Variants in KAT6A observed in about 807,000 individuals in gnomAD.
KAT6A encodes lysine acetyltransferase 6A, also known as histone acetyltransferase KAT6A.
A neutral mutation model predicts 198.4 loss-of-function variants in KAT6A; 9 were observed. The observed-to-expected ratio is 0.05, with a 90% CI of 0.03 to 0.08. The LOEUF is 0.08. Among genes scored for constraint, KAT6A ranks in the 10% least tolerant of loss-of-function variants. KAT6A has a pLI of 1.00. For synonymous variants in KAT6A, 890 were observed against 883.0 expected, an observed-to-expected ratio of 1.01 and a Z score of -0.14; for missense variants, 2,077 against 2,509.9, an observed-to-expected ratio of 0.83 and a Z score of 3.69.
At chr8:41,977,582 TTC>T in intron 6 of KAT6A, 1 of 365,680 alleles carries the variant, frequency 2.7e-6, no homozygotes, top group Non-Finnish European at 4.9e-6. Flanking sequence ...CTAGTCATAA[TTC>T]TCTCTTACTA....
At chr8:41,978,418 A>T (rs914606841) in intron 6 of KAT6A, among the ~76,000 whole-genome samples, 1 of 152,246 alleles carries the variant, frequency 6.6e-6, no homozygotes, top group Admixed American at 6.5e-5. Context: ...AGCAGCAGCT[A>T]TATTTCACTG....
rs1236809773 is a variant in KAT6A, at chr8:41,934,049, C to T, written c.4171G>A (p.Gly1391Arg). Residue 1391 changes from glycine (G) to arginine (R), a missense_variant, in exon 17 of 17, where the codon GGG becomes AGG. Around this residue, in one of 13 missense-constraint regions of KAT6A, gnomAD observed 178 missense variants for 220.8 expected, o/e 0.81. Transcript: ENST00000265713. ...DTSVVSEQMA[G>R]SEDDHEEDSH... ...TCTTCTTCGTGGTCGTCCTCAGACC[C>T]AGCCATCTGCTCTGACACCACGGAC... is the stretch of plus-strand genomic sequence containing the variant. The T allele has an allele frequency of 1.2e-6, 2 of 1,613,994 alleles. No individual in the cohort carries two copies. The highest frequency in any genetic ancestry group is 1.7e-6 in the Non-Finnish European group (2 of 1,180,006).
At chr8:41,963,831 T>C (rs1823326203) in intron 8 of KAT6A, among the ~76,000 whole-genome samples, 5 of 152,156 alleles carry the variant, frequency 3.3e-5, no homozygotes, top group African/African-American at 9.7e-5. Context: ...ATCTTCATGA[T>C]CTAGTACCCC....
At chr8:41,996,648 C>G (rs1564053203) in intron 2 of KAT6A, among the ~76,000 whole-genome samples, 1 of 152,140 alleles carries the variant, frequency 6.6e-6, no homozygotes, top group East Asian at 1.9e-4. Context: ...ATTTGGCCCC[C>G]TTTTCCTCTC....
chr8:41,999,233 T>A (rs1000234850), intron 2 of KAT6A, among the ~76,000 whole-genome samples: 1 of 152,214 alleles, frequency 6.6e-6, no homozygotes, highest in Non-Finnish European at 1.5e-5. Flanking sequence ...ATTTAAATTC[T>A]AAGTTAAGAA....
intron 8 of KAT6A, among the ~76,000 whole-genome samples, chr8:41,970,141 G>A (rs1823713547): frequency 6.6e-6 from 1 of 152,162 alleles, no homozygotes. Flanking sequence ...TGAAGGCAGA[G>A]TCTGTGTCTT....
At chr8:41,970,422 A>G (rs1376973596) in intron 8 of KAT6A, among the ~76,000 whole-genome samples, 2 of 152,182 alleles carry the variant, frequency 1.3e-5, no homozygotes, top group Non-Finnish European at 2.9e-5. Flanking sequence ...AGCAGGGCTC[A>G]GCAACCCGTT....
At chr8:41,946,309 C>T (rs1587726262) in intron 12 of KAT6A, among the ~76,000 whole-genome samples, 2 of 151,976 alleles carry the variant, frequency 1.3e-5, no homozygotes, top group East Asian at 3.9e-4. Context: ...TGCCATGTTG[C>T]CTAAGCTGGT....
At chr8:42,025,077 T>C (rs1826736911) in intron 2 of KAT6A, among the ~76,000 whole-genome samples, 1 of 152,140 alleles carries the variant, frequency 6.6e-6, no homozygotes, top group South Asian at 2.1e-4. Flanking sequence ...GTATAAGAGT[T>C]CCCTTTTCTC....
At chr8:42,044,210 C>A (rs1249485440) in intron 2 of KAT6A, among the ~76,000 whole-genome samples, 1 of 150,636 alleles carries the variant, frequency 6.6e-6, no homozygotes, top group Admixed American at 6.7e-5. Context: ...AAGCGATTAT[C>A]CTGCCTCAGC....
intron 13 of KAT6A, 64 bp downstream of exon 13, chr8:41,943,684 G>T: frequency 9.4e-7 from 1 of 1,067,662 alleles, no homozygotes. Context: ...TAATCTGACT[G>T]GCTGATCCAA....
At chr8:42,031,976 C>A (rs1446163211) in intron 2 of KAT6A, among the ~76,000 whole-genome samples, 3 of 151,318 alleles carry the variant, frequency 2.0e-5, no homozygotes, top group African/African-American at 4.9e-5. Context: ...ATCGCCCAGG[C>A]TAGAATGCAG....
At chr8:41,958,400 A>G (rs930762472) in intron 8 of KAT6A, 1 of 152,224 alleles carries the variant, frequency 6.6e-6, no homozygotes, top group Admixed American at 6.5e-5. Flanking sequence ...TAAGAGGCAA[A>G]AGCACCGGGC....
intron 2 of KAT6A, among the ~76,000 whole-genome samples, chr8:42,034,251 A>C (rs899651760): frequency 1.3e-5 from 2 of 152,216 alleles, no homozygotes; most frequent in African/African-American, 4.8e-5. Context: ...TGGAGGACTT[A>C]CTAACATACG....
chr8:41,954,600 A>G (rs1822837262), intron 9 of KAT6A, among the ~76,000 whole-genome samples: 1 of 152,224 alleles, frequency 6.6e-6, no homozygotes, highest in Admixed American at 6.5e-5. Context: ...ATTATTGAGC[A>G]CTTACCATTT....
chr8:42,002,632 A>G (rs1475781723), intron 2 of KAT6A, among the ~76,000 whole-genome samples: 1 of 152,192 alleles, frequency 6.6e-6, no homozygotes, highest in Non-Finnish European at 1.5e-5. Flanking sequence ...ACGAGTCCAC[A>G]GCAGGATGGA....
At chr8:42,032,871 CTTTTTTT>C (rs1163323345) in intron 2 of KAT6A, among the ~76,000 whole-genome samples, 41 of 76,536 alleles carry the variant, frequency 5.4e-4, no homozygotes, top group Middle Eastern at 0.014. Context: ...AAAACCTTGG[CTTTTTTT>C]TTTTTTTTTT....
chr8:41,990,750 T>G (rs943131005), intron 2 of KAT6A, among the ~76,000 whole-genome samples: 1 of 152,100 alleles, frequency 6.6e-6, no homozygotes, highest in African/African-American at 2.4e-5. Context: ...TCCCAGCACT[T>G]TGGCAGGCCA....
intron 2 of KAT6A, among the ~76,000 whole-genome samples, chr8:42,030,169 G>T (rs1232102692): frequency 6.6e-6 from 1 of 152,176 alleles, no homozygotes; most frequent in Non-Finnish European, 1.5e-5. Context: ...CTCGGACAAG[G>T]GGGCTCCAGG....
Sources: allele counts gnomAD v4.1 joint callset (sites outside exome capture counted in the v4.1 genomes callset), GRCh38; gene constraint gnomAD v4.1.1; regional missense constraint gnomAD v4.1.1; transcripts MANE v1.5; gene names NCBI Gene and HGNC (gene_info 2026-07-23, HGNC 2026-07-21).